Variants in TOM1 observed in about 807,000 individuals in gnomAD.
TOM1 encodes the protein target of Myb protein 1.
Under a neutral mutation model 61.3 loss-of-function variants are expected in TOM1, and 38 were observed. The ratio of observed to expected loss-of-function variants is 0.62; its 90% CI spans 0.48 to 0.81. TOM1 has a LOEUF of 0.81. Among genes scored for constraint, TOM1 ranks in the 40% least tolerant of loss-of-function variants. The probability of loss-of-function intolerance (pLI) is 0.00; values close to 1 mark genes in which losing one functional copy is unlikely to be tolerated. For missense variants in TOM1, 591 were observed against 659.6 expected (o/e 0.90, Z 1.14); for synonymous variants, 270 against 268.8 (o/e 1.00, Z -0.04).
At chr22:35,309,023 A>T (rs1483844788) in intron 1 of TOM1, among the ~76,000 whole-genome samples, 4 of 152,138 alleles carry the variant, frequency 2.6e-5, no homozygotes, top group African/African-American at 9.7e-5. Context: ...TTTTCAAGAC[A>T]AGTTTCTGGC....
chr22:35,299,721 C>T (rs1756469055), upstream of TOM1: 3 of 603,742 alleles, frequency 5.0e-6, no homozygotes, highest in East Asian at 5.9e-5. Flanking sequence ...CGCCCGCCGC[C>T]GCCGAGCAAG....
At chr22:35,343,919 C>T (rs1930258983) in intron 12 of TOM1, among the ~76,000 whole-genome samples, 1 of 150,162 alleles carries the variant, frequency 6.7e-6, no homozygotes. Context: ...CTACACACAC[C>T]ACACACATCT....
intron 12 of TOM1, chr22:35,345,505 G>A (rs1930428692): frequency 1.7e-6 from 1 of 598,708 alleles, no homozygotes; most frequent in Non-Finnish European, 3.0e-6. Context: ...CCCTGGCCCT[G>A]CTCCAGCTGC....
At chr22:35,320,369 G>A (rs765723000) in intron 2 of TOM1, among the ~76,000 whole-genome samples, 15 of 152,262 alleles carry the variant, frequency 9.9e-5, no homozygotes, top group South Asian at 4.1e-4. Flanking sequence ...GTATAGGGCC[G>A]AGGGTGGAGG....
intron 1 of TOM1, among the ~76,000 whole-genome samples, chr22:35,315,328 G>A (rs2145633962): frequency 6.6e-6 from 1 of 152,280 alleles, no homozygotes; most frequent in East Asian, 1.9e-4. Flanking sequence ...GGGGCTTGCT[G>A]AGATGTGGCC....
chr22:35,316,088 G>T (rs571373614), intron 1 of TOM1, among the ~76,000 whole-genome samples: 2 of 152,394 alleles, frequency 1.3e-5, no homozygotes, highest in East Asian at 3.8e-4. Context: ...TAGACAGCCG[G>T]CAGCACTGTG....
rs758301872 is a variant in TOM1, at chr22:35,347,281, C to T, written c.*72C>T. 131 of 1,481,436 alleles carry T rather than the reference C, an allele frequency of 8.8e-5. No homozygotes were observed. Among genetic ancestry groups the T allele is most frequent in the Non-Finnish European group, 1.1e-4 (120 of 1,103,778 alleles). 91.8% of individuals were successfully genotyped at this position (1,481,436 alleles called of 1,614,324 possible). On this transcript the variant is annotated 3_prime_UTR_variant, in exon 15 of 15. Transcript: ENST00000449058. The stretch of plus-strand genomic sequence containing the variant: ...CCCTTAGGCTGGGACCTCCCTCCCT[C>T]CTCTGGTGTTAAGGCTGCTTTGGGG...
Position 35,322,029 on chromosome 22 carries a change from G to T in TOM1, c.208G>T (p.Ala70Ser), listed in dbSNP as rs1927837976. The part of the protein sequence containing the change: ...GNKNFHEVML[A>S]LTVLETCVKN... ...TAAGAACTTCCACGAGGTGATGCTG[G>T]CTCTCACAGTGAGTGCCCCATCTGT... The change falls in exon 3 of 15, where the codon GCT (alanine) becomes TCT (serine). Residue 70 changes from alanine to serine, a missense_variant. Transcript: ENST00000449058. 1 of 1,614,074 alleles carries T rather than the reference G, an allele frequency of 6.2e-7. No homozygotes were observed. Among genetic ancestry groups the T allele is most frequent in the Non-Finnish European group, 8.5e-7 (1 of 1,179,980 alleles).
At chr22:35,335,357 T>C (rs1929218154) in intron 11 of TOM1, among the ~76,000 whole-genome samples, 1 of 152,158 alleles carries the variant, frequency 6.6e-6, no homozygotes, top group Non-Finnish European at 1.5e-5. Context: ...CACCCACAAA[T>C]CCAGGTCCAG....
chr22:35,345,604 G>C lies in TOM1; in HGVS notation c.1225-121G>C. On this transcript the variant is annotated intron_variant, in intron 12 of 14. Transcript: ENST00000449058. ...GCGGGCCCAGTGGTGGGTCCGGGCA[G>C]CTAGGCAGCTGAGGCTGGGGTGGGA... 3.1e-6 allele frequency: 3 copies of C among 964,808 alleles called. No individual in the cohort carries two copies. The South Asian group carries it at 4.0e-5, about 13-fold the overall frequency. The allele number at this position is 964,808 out of a possible 1,614,324, so 59.8% of individuals were successfully genotyped here.
intron 2 of TOM1, among the ~76,000 whole-genome samples, chr22:35,321,421 T>C (rs1375650521): frequency 6.6e-6 from 1 of 151,602 alleles, no homozygotes; most frequent in African/African-American, 2.4e-5. Flanking sequence ...TGGCGCAATC[T>C]CGGCTCTCAC....
chr22:35,333,025 TC>T lies in TOM1; in HGVS notation c.933+12del. ...GGCCAGACCACCAAGGTAAAAGTCT[TC>T]TTTTCTGTGACTAGATCAGGCCCTG... On this transcript the variant is annotated intron_variant, in intron 9 of 14. Coordinates refer to ENST00000449058, the MANE Select transcript of TOM1 (RefSeq NM_005488.3). 3 of 1,613,720 alleles carry T rather than the reference TC, an allele frequency of 1.9e-6. No homozygotes were observed. The highest frequency in any genetic ancestry group is 2.5e-6 in the Non-Finnish European group (3 of 1,179,964).
chr22:35,319,558 A>C (rs982416177), intron 2 of TOM1, among the ~76,000 whole-genome samples: 40 of 152,236 alleles, frequency 2.6e-4, no homozygotes, highest in African/African-American at 9.6e-4. Context: ...GAAGGCGTCC[A>C]ACAAGGACGC....
chr22:35,301,265 T>C (rs182899660), intron 1 of TOM1, among the ~76,000 whole-genome samples: 1 of 152,030 alleles, frequency 6.6e-6, no homozygotes, highest in East Asian at 1.9e-4. Flanking sequence ...CACGCACACA[T>C]ATATATAAAA....
chr22:35,306,764 T>C (rs1926364208), intron 1 of TOM1, among the ~76,000 whole-genome samples: 1 of 152,160 alleles, frequency 6.6e-6, no homozygotes, highest in Non-Finnish European at 1.5e-5. Flanking sequence ...TCTAAGTTAG[T>C]AGCCAAGCTA....
upstream of TOM1, chr22:35,299,876 T>A (rs140565759): frequency 6.4e-7 from 1 of 1,554,002 alleles, no homozygotes; most frequent in Non-Finnish European, 8.7e-7. Context: ...TCGGTGGCGC[T>A]GGCGGTTGCT....
Position 35,330,497 on chromosome 22 carries a change from C to A in TOM1, c.899+17C>A. ...CCATGAACGGTAGCCCCAGCACCTCCCCTGGCCTCTGGCCTACTGCCCCAA... is the reference window on the plus strand; with the variant it reads ...CCATGAACGGTAGCCCCAGCACCTCACCTGGCCTCTGGCCTACTGCCCCAA... On this transcript the variant is annotated intron_variant, in intron 8 of 14. Coordinates refer to ENST00000449058, the MANE Select transcript of TOM1 (RefSeq NM_005488.3). 6.2e-7 allele frequency: 1 copy of A among 1,601,840 alleles called. No homozygotes were observed. The highest frequency in any genetic ancestry group is 1.1e-5 in the South Asian group (1 of 89,640).
At chr22:35,340,603 C>T (rs1196904520) in intron 12 of TOM1, among the ~76,000 whole-genome samples, 1 of 152,052 alleles carries the variant, frequency 6.6e-6, no homozygotes, top group Non-Finnish European at 1.5e-5. Flanking sequence ...AAAAATTATC[C>T]GGGCATGGTG....
In TOM1 at chr22:35,347,190, A is replaced by G; in HGVS notation, c.1460A>G (p.Asp487Gly). ...AAGAAGACCCAGGAGAAAGATGATG[A>G]CATGCTGTTTGCCTTATGAGTGTGG... ...PRKKTQEKDD[D>G]MLFAL is the part of the protein sequence containing the mutation. Residue 487 changes from aspartate to glycine, a missense_variant, in exon 15 of 15, where the codon GAC becomes GGC. Physicochemically the swap from Asp to Gly is moderately conservative, Grantham distance 94 (BLOSUM62 -1). Transcript: ENST00000449058. 1 of 1,611,534 alleles carries G rather than the reference A, an allele frequency of 6.2e-7. No homozygotes were observed. Among genetic ancestry groups the G allele is most frequent in the African/African-American group, 1.3e-5 (1 of 74,930 alleles).
Sources: allele counts gnomAD v4.1 joint callset (sites outside exome capture counted in the v4.1 genomes callset), GRCh38; gene constraint gnomAD v4.1.1; transcripts MANE v1.5; gene names NCBI Gene and HGNC (gene_info 2026-07-23, HGNC 2026-07-21).